PRKN: variants seen among roughly 807,000 people sequenced by gnomAD.
The protein encoded by PRKN is parkin RBR E3 ubiquitin protein ligase.
PRKN carries 56 observed loss-of-function variants against 59.5 expected under a neutral mutation model. The ratio of observed to expected loss-of-function variants is 0.94; its 90% CI spans 0.76 to 1.18. The LOEUF is 1.18. PRKN is among the 50% of genes most tolerant of loss of function. PRKN has a pLI of 0.00. For synonymous variants in PRKN, 250 were observed against 222.1 expected (o/e 1.13, Z -1.12); for missense variants, 657 against 596.4 (o/e 1.10, Z -1.06).
chr6:161,448,181 A>C lies in PRKN; in HGVS notation c.1084-61304T>G, dbSNP rs1789579223. Among the ~76,000 whole-genome samples the C allele has an allele frequency of 6.6e-6, 1 of 152,212 alleles. No individual in the cohort carries two copies. Among genetic ancestry groups the C allele is most frequent in the Non-Finnish European group, 1.5e-5 (1 of 68,036 alleles). The stretch of plus-strand genomic sequence containing the variant: ...AGCGCCTCCCTTTTGCCTCCATAAA[A>C]GATCTTCACTTTTCCCCACACCGTA... On this transcript the variant is annotated intron_variant, in intron 9 of 11. Coordinates refer to ENST00000366898, the MANE Select transcript of PRKN (RefSeq NM_004562.3). This position sits in a 1 kb window ranked among gnomAD's most constrained non-coding sequence, Gnocchi z 5.1.
intron 6 of PRKN, among the ~76,000 whole-genome samples, chr6:161,836,232 TA>T (rs566341683): frequency 1.4e-4 from 22 of 152,176 alleles, no homozygotes; most frequent in Non-Finnish European, 3.1e-4. Flanking sequence ...TTTTCTCTTT[TA>T]AAATTTCCAC....
chr6:162,399,461 G>A (rs771656308), intron 2 of PRKN, among the ~76,000 whole-genome samples: 3 of 152,054 alleles, frequency 2.0e-5, no homozygotes, highest in East Asian at 1.9e-4. Flanking sequence ...ACTGCTCTAC[G>A]CCCCACCACA....
At chr6:162,002,581 ATTT>A (rs140082922) in intron 5 of PRKN, among the ~76,000 whole-genome samples, 3,402 of 149,600 alleles carry the variant, frequency 0.023, 118 homozygotes, top group African/African-American at 0.077. Flanking sequence ...TCAAATAACC[ATTT>A]TTTTTTTTGC....
intron 4 of PRKN, among the ~76,000 whole-genome samples, chr6:162,135,685 T>A (rs1222482685): frequency 1.3e-5 from 2 of 151,954 alleles, no homozygotes; most frequent in African/African-American, 2.4e-5. Flanking sequence ...GATCTGCAGA[T>A]GAGAGGGTCT....
intron 2 of PRKN, among the ~76,000 whole-genome samples, chr6:162,292,761 T>C (rs1781499751): frequency 6.6e-6 from 1 of 152,156 alleles, no homozygotes; most frequent in Non-Finnish European, 1.5e-5. Flanking sequence ...TCGGTAGTGA[T>C]GGAGATGGGG....
intron 6 of PRKN, among the ~76,000 whole-genome samples, chr6:161,870,112 C>T (rs1562350535): frequency 6.6e-6 from 1 of 152,056 alleles, no homozygotes; most frequent in Non-Finnish European, 1.5e-5. Context: ...TAACCAGGGC[C>T]GACCTTGCTT....
At chr6:162,657,805 G>C (rs1778704269) in intron 1 of PRKN, among the ~76,000 whole-genome samples, 1 of 152,132 alleles carries the variant, frequency 6.6e-6, no homozygotes, top group Non-Finnish European at 1.5e-5. Flanking sequence ...TCAGAATATA[G>C]TAGGGACATG....
intron 2 of PRKN, among the ~76,000 whole-genome samples, chr6:162,415,160 G>A (rs967111064): frequency 1.3e-5 from 2 of 152,116 alleles, no homozygotes; most frequent in Non-Finnish European, 2.9e-5. Context: ...GCAACCCTGC[G>A]TAATAGACTT....
intron 6 of PRKN, among the ~76,000 whole-genome samples, chr6:161,905,928 TAAAAA>T (rs750946937): frequency 9.5e-6 from 1 of 105,006 alleles, no homozygotes. Context: ...CCACTGCATC[TAAAAA>T]AAAAAAAAAA....
intron 5 of PRKN, among the ~76,000 whole-genome samples, chr6:161,986,517 G>C (rs1387079518): frequency 1.4e-5 from 2 of 140,366 alleles, no homozygotes; most frequent in East Asian, 4.1e-4. Context: ...TTAAGACTTT[G>C]ATATTCCATC....
intron 8 of PRKN, among the ~76,000 whole-genome samples, chr6:161,559,457 C>T (rs1780371940): frequency 6.6e-6 from 1 of 152,196 alleles, no homozygotes; most frequent in Non-Finnish European, 1.5e-5. Flanking sequence ...TCTTTGCTCT[C>T]ATCCCAGAGA....
chr6:161,698,449 T>C (rs1786113712), intron 7 of PRKN, among the ~76,000 whole-genome samples: 1 of 152,130 alleles, frequency 6.6e-6, no homozygotes, highest in Admixed American at 6.5e-5. Flanking sequence ...AAATCCTAAT[T>C]TGGAGAAATT....
rs182512586 is a variant in PRKN at position 162,211,565 on chromosome 6, G to A, written c.413-10313C>T. 1.4e-3 allele frequency among the ~76,000 whole-genome samples: 210 copies of A among 152,104 alleles called. 1 individual carries two copies. Among genetic ancestry groups the A allele is most frequent in the African/African-American group, 4.6e-3 (190 of 41,504 alleles). On this transcript the variant is annotated intron_variant, in intron 3 of 11. Transcript: ENST00000366898. ...TCTAAGTGTTAGAAAAACCTGTTAC[G>A]TAAATGAACCCTCAGAGGAATGGCA... is the stretch of plus-strand genomic sequence containing the variant.
At chr6:162,244,325 C>G (rs562143069) in intron 3 of PRKN, among the ~76,000 whole-genome samples, 1 of 151,632 alleles carries the variant, frequency 6.6e-6, no homozygotes, top group African/African-American at 2.4e-5. Flanking sequence ...TATTAAAGTA[C>G]AGAGATGGAG....
At chr6:162,645,474 CTCT>C (rs1243438148) in intron 1 of PRKN, among the ~76,000 whole-genome samples, 2 of 152,164 alleles carry the variant, frequency 1.3e-5, no homozygotes, top group Non-Finnish European at 2.9e-5. Flanking sequence ...TCAATTGCAG[CTCT>C]TCTTTCATAG....
intron 7 of PRKN, among the ~76,000 whole-genome samples, chr6:161,700,503 A>T (rs1027883756): frequency 6.6e-6 from 1 of 152,090 alleles, no homozygotes; most frequent in African/African-American, 2.4e-5. Flanking sequence ...CTCAATTCAG[A>T]TCTGATTAGG....
At chr6:162,054,952 A>T (rs550759951) in intron 4 of PRKN, among the ~76,000 whole-genome samples, 2 of 152,290 alleles carry the variant, frequency 1.3e-5, no homozygotes, top group East Asian at 3.9e-4. Flanking sequence ...ACCTGAGGTC[A>T]GGAGTTCAAG....
chr6:161,710,847 TCTTCC>T (rs1257430451), intron 7 of PRKN, among the ~76,000 whole-genome samples: 177 of 51,586 alleles, frequency 3.4e-3, no homozygotes, highest in Admixed American at 7.2e-3. Context: ...CCCCTTTCCT[TCTTCC>T]CTTCCCTTCC....
intron 1 of PRKN, among the ~76,000 whole-genome samples, chr6:162,645,685 T>C (rs904118765): frequency 1.3e-5 from 2 of 152,130 alleles, no homozygotes; most frequent in East Asian, 1.9e-4. Context: ...AAGGAAAAAG[T>C]ATTCACATAA....
Sources: gnomAD v4.1 joint callset for allele counts (sites outside exome capture counted in the v4.1 genomes callset) on GRCh38, gnomAD v4.1.1 for gene constraint, Gnocchi (gnomAD v3.1) non-coding constraint, MANE v1.5 for transcripts, NCBI Gene and HGNC (gene_info 2026-07-23, HGNC 2026-07-21) for gene names.